Variants in PIK3AP1 observed in about 807,000 individuals in gnomAD.
PIK3AP1 encodes phosphoinositide-3-kinase adaptor protein 1.
A neutral mutation model predicts 88.1 loss-of-function variants in PIK3AP1; 21 were observed. The ratio of observed to expected loss-of-function variants is 0.24; its 90% CI spans 0.17 to 0.34. PIK3AP1 has a LOEUF of 0.34. Ranked by LOEUF, PIK3AP1 falls within the 10% of genes least tolerant of loss-of-function variation. PIK3AP1 has a pLI of 1.00. For missense variants in PIK3AP1, 828 were observed against 1,035.7 expected (o/e 0.80, Z 2.75); for synonymous variants, 398 against 400.0 (o/e 1.00, Z 0.06).
chr10:96,666,455 T>A (rs1379250481), intron 2 of PIK3AP1, among the ~76,000 whole-genome samples: 2 of 152,096 alleles, frequency 1.3e-5, no homozygotes, highest in African/African-American at 4.8e-5. Context: ...AATATGTCTA[T>A]GCATATTTAA....
intron 2 of PIK3AP1, among the ~76,000 whole-genome samples, chr10:96,679,948 T>G (rs1843977631): frequency 6.6e-6 from 1 of 152,172 alleles, no homozygotes; most frequent in South Asian, 2.1e-4. Flanking sequence ...GGGAGTGCCA[T>G]GCAATCCCCA....
intron 14 of PIK3AP1, 144 bp downstream of exon 14, chr10:96,609,568 C>T (rs779713395): frequency 1.1e-5 from 9 of 843,956 alleles, no homozygotes; most frequent in South Asian, 4.0e-5. Flanking sequence ...AACAGTAACT[C>T]GGCCCCACCT....
chr10:96,597,488 G>GT (rs1310306243), intron 16 of PIK3AP1, among the ~76,000 whole-genome samples: 1 of 152,030 alleles, frequency 6.6e-6, no homozygotes, highest in Non-Finnish European at 1.5e-5. Flanking sequence ...GATGATGCAA[G>GT]TGTGTGGATG....
chr10:96,597,294 CCTT>C, intron 16 of PIK3AP1, among the ~76,000 whole-genome samples: 3 of 129,030 alleles, frequency 2.3e-5, no homozygotes, highest in African/African-American at 9.1e-5. Flanking sequence ...TTCCTTCCTT[CCTT>C]CCTTCCTTCC....
rs568445123 is a variant in PIK3AP1 at position 96,614,471 on chromosome 10, T to C, written c.2014+2168A>G. Reference sequence around the variant, plus strand: ...AGTGTGAACTCAGCCACCGGCAGCATAAATTTAAAATCCAGACACCCAAGC... The same window carrying C: ...AGTGTGAACTCAGCCACCGGCAGCACAAATTTAAAATCCAGACACCCAAGC... On this transcript the variant is annotated intron_variant, in intron 13 of 16. Transcript: ENST00000339364. Among the ~76,000 whole-genome samples, 3 of 151,600 alleles carry C rather than the reference T, an allele frequency of 2.0e-5. No homozygotes were observed. In the East Asian group the frequency reaches 5.8e-4, roughly 29 times the overall value.
intron 13 of PIK3AP1, among the ~76,000 whole-genome samples, chr10:96,614,456 C>T (rs945351592): frequency 6.6e-6 from 1 of 151,646 alleles, no homozygotes; most frequent in African/African-American, 2.4e-5. Context: ...AGTGTGAACT[C>T]AGCCACCGGC....
chr10:96,625,477 A>G (rs970045498), intron 10 of PIK3AP1, among the ~76,000 whole-genome samples: 1 of 152,206 alleles, frequency 6.6e-6, no homozygotes, highest in African/African-American at 2.4e-5. Flanking sequence ...ATATCTCACA[A>G]CTGTATTCCT....
chr10:96,597,502 C>T (rs139908059), intron 16 of PIK3AP1, among the ~76,000 whole-genome samples: 13 of 152,016 alleles, frequency 8.6e-5, no homozygotes, highest in South Asian at 4.1e-4. Flanking sequence ...GTGGATGAGA[C>T]GGACAATAGG....
intron 1 of PIK3AP1, among the ~76,000 whole-genome samples, chr10:96,718,011 G>T (rs1025451665): frequency 6.6e-6 from 1 of 152,176 alleles, no homozygotes; most frequent in African/African-American, 2.4e-5. Context: ...GCTACAGTGG[G>T]ATGAACTTTG....
intron 2 of PIK3AP1, among the ~76,000 whole-genome samples, chr10:96,692,329 G>A (rs1056771824): frequency 3.9e-5 from 6 of 151,990 alleles, no homozygotes; most frequent in African/African-American, 1.5e-4. Context: ...TAATCCCAGC[G>A]CTTTGGGAGG....
intron 8 of PIK3AP1, among the ~76,000 whole-genome samples, chr10:96,628,889 C>CATACAT (rs1843193791): frequency 1.6e-5 from 1 of 60,852 alleles, no homozygotes; most frequent in African/African-American, 6.0e-5. Flanking sequence ...TATATATATA[C>CATACAT]ATATATATAT....
At chr10:96,715,994 T>G (rs1342102957) in intron 1 of PIK3AP1, among the ~76,000 whole-genome samples, 1 of 152,012 alleles carries the variant, frequency 6.6e-6, no homozygotes, top group African/African-American at 2.4e-5. Context: ...AAATGTCTCA[T>G]TCCTGGCCAG....
intron 8 of PIK3AP1, among the ~76,000 whole-genome samples, chr10:96,634,520 T>G (rs1313545427): frequency 6.6e-6 from 1 of 152,220 alleles, no homozygotes; most frequent in African/African-American, 2.4e-5. Context: ...TTACTAGCTC[T>G]GTGTCCTTGG....
At chr10:96,652,303 C>A (rs1048354358) in intron 4 of PIK3AP1, among the ~76,000 whole-genome samples, 1 of 152,092 alleles carries the variant, frequency 6.6e-6, no homozygotes, top group South Asian at 2.1e-4. Context: ...AGCTGGGTGC[C>A]GTGGCTCACG....
chr10:96,629,984 C>T (rs574972914), intron 8 of PIK3AP1, among the ~76,000 whole-genome samples: 2 of 130,318 alleles, frequency 1.5e-5, no homozygotes, highest in Non-Finnish European at 3.4e-5. Flanking sequence ...GAAAAGAAAC[C>T]CTGGAAGGAG....
intron 8 of PIK3AP1, among the ~76,000 whole-genome samples, chr10:96,636,996 G>T (rs1204283014): frequency 6.6e-6 from 1 of 152,182 alleles, no homozygotes; most frequent in African/African-American, 2.4e-5. Context: ...TAATTTAATA[G>T]AAAACCAAGT....
intron 8 of PIK3AP1, among the ~76,000 whole-genome samples, chr10:96,629,029 C>A (rs989062619): frequency 4.6e-5 from 7 of 150,772 alleles, no homozygotes; most frequent in African/African-American, 1.7e-4. Context: ...CCGCCTCAGC[C>A]TCCCAAGTAG....
intron 2 of PIK3AP1, among the ~76,000 whole-genome samples, chr10:96,671,666 C>T (rs1843848723): frequency 6.6e-6 from 1 of 151,036 alleles, no homozygotes; most frequent in African/African-American, 2.4e-5. Flanking sequence ...GTTCTCATCA[C>T]CGTCGTCATC....
At chr10:96,700,796 G>T in intron 2 of PIK3AP1, 1 of 985,450 alleles carries the variant, frequency 1.0e-6, no homozygotes, top group Middle Eastern at 5.2e-4. Flanking sequence ...AGTCGTCCAT[G>T]ACTTACCATC....
Sources: gnomAD v4.1 joint callset for allele counts (sites outside exome capture counted in the v4.1 genomes callset) on GRCh38, gnomAD v4.1.1 for gene constraint, MANE v1.5 for transcripts, NCBI Gene and HGNC (gene_info 2026-07-23, HGNC 2026-07-21) for gene names.